SDK2: variants seen among roughly 807,000 people sequenced by gnomAD.
The protein encoded by SDK2 is sidekick cell adhesion molecule 2.
A neutral mutation model predicts 253.9 loss-of-function variants in SDK2; 105 were observed. That is an observed-to-expected ratio of 0.41 (90% CI 0.35 to 0.49). The LOEUF (loss-of-function observed/expected upper bound fraction) is 0.49. Ranked by LOEUF, SDK2 falls within the 20% of genes least tolerant of loss-of-function variation. The pLI is 0.06. For synonymous variants in SDK2, 1,249 were observed against 1,234.9 expected, an observed-to-expected ratio of 1.01 and a Z score of -0.24; for missense variants, 2,608 against 3,003.0, an observed-to-expected ratio of 0.87 and a Z score of 3.07.
At chr17:73,522,411 G>A (rs2064088010) in intron 1 of SDK2, among the ~76,000 whole-genome samples, 1 of 152,356 alleles carries the variant, frequency 6.6e-6, no homozygotes, top group African/African-American at 2.4e-5. Flanking sequence ...TCTGCTGAAG[G>A]GGGGCAGTTG....
intron 8 of SDK2, among the ~76,000 whole-genome samples, chr17:73,436,725 T>A (rs990870909): frequency 1.3e-5 from 2 of 152,072 alleles, no homozygotes; most frequent in Admixed American, 1.3e-4. Context: ...GATGCCACAT[T>A]TCATCCAATC....
At chr17:73,613,597 C>T (rs2046007214) in intron 1 of SDK2, among the ~76,000 whole-genome samples, 1 of 139,004 alleles carries the variant, frequency 7.2e-6, no homozygotes, top group Non-Finnish European at 1.6e-5. Context: ...CCACCCCCAC[C>T]CCCACCCCCA....
intron 1 of SDK2, among the ~76,000 whole-genome samples, chr17:73,509,902 C>CAAAAAAAAAAAAAAAAAAAAAAAAAG (rs71157018): frequency 3.9e-5 from 1 of 25,394 alleles, no homozygotes; most frequent in Non-Finnish European, 7.0e-5. Context: ...TCCATCTCTA[C>CAAAAAAAAAAAAAAAAAAAAAAAAAG]AAAAAAAAAA....
At position 73,447,555 on chromosome 17, in the gene SDK2, C is replaced by G; in HGVS notation, c.613+60G>C. 6.5e-7 allele frequency: 1 copy of G among 1,541,038 alleles called. No homozygotes were observed. Among genetic ancestry groups the G allele is most frequent in the South Asian group, 1.2e-5 (1 of 83,454 alleles). ...CCATCTTCCCAATGATCCCCTGGAG[C>G]ACCATTGCTAAGATTTAATGGCCCG... is the stretch of plus-strand genomic sequence containing the variant. On this transcript the variant is annotated intron_variant, in intron 5 of 44. Transcript: ENST00000392650. This position sits in a 1 kb window ranked among gnomAD's most constrained non-coding sequence, Gnocchi z 4.0.
Position 73,644,177 on chromosome 17 carries a change from G to A in SDK2, c.-89C>T. On this transcript the variant is annotated 5_prime_UTR_variant, in exon 1 of 45. Transcript: ENST00000392650. The surrounding 1 kb of genome is among the most constrained non-coding windows in gnomAD (Gnocchi z 6.3). ...GTGGGGTCCGATACCCCGTGGCTTA[G>A]TCCCAGGAAACAGTCAGTCTACGCG... The A allele has an allele frequency of 4.4e-6, 5 of 1,132,142 alleles. No individual in the cohort carries two copies. Among genetic ancestry groups the A allele is most frequent in the Non-Finnish European group, 6.5e-6 (5 of 771,012 alleles). The allele number at this position is 1,132,142 out of a possible 1,614,324, so 70.1% of individuals were successfully genotyped here.
chr17:73,394,209 CT>C lies in SDK2; in HGVS notation c.3707del (p.Lys1236ArgfsTer2). Reference sequence around the variant, plus strand: ...CACCTCCTGGGATCCCGGGACTCACCTTATAGCCCAGCACGAGCCCGTTGCG... The same window carrying C: ...CACCTCCTGGGATCCCGGGACTCACCTATAGCCCAGCACGAGCCCGTTGCG... Reference protein sequence around the residue: ...ADRNGLVLGYKVMYKEKDSDT... With the variant: ...ADRNGLVLGYXVMYKEKDSDT... On this transcript the variant is annotated frameshift_variant and splice_region_variant, in exon 26 of 45. Transcript: ENST00000392650. LOFTEE classifies it high-confidence loss of function. The C allele has an allele frequency of 1.3e-6, 2 of 1,553,586 alleles. No individual in the cohort carries two copies.
At chr17:73,390,841 C>T (rs2062922101) in intron 28 of SDK2, among the ~76,000 whole-genome samples, 1 of 152,196 alleles carries the variant, frequency 6.6e-6, no homozygotes, top group African/African-American at 2.4e-5. Flanking sequence ...TCCTTCCTGC[C>T]CCCACTCTGT....
intron 40 of SDK2, 114 bp downstream of exon 40, chr17:73,357,965 G>C (rs761757663): frequency 4.8e-5 from 72 of 1,507,378 alleles, no homozygotes; most frequent in Non-Finnish European, 6.4e-5. Context: ...TTCACCTGTA[G>C]TAGCACAAGC....
chr17:73,367,753 C>T (rs1599489882), intron 37 of SDK2, among the ~76,000 whole-genome samples: 1 of 152,194 alleles, frequency 6.6e-6, no homozygotes, highest in South Asian at 2.1e-4. Context: ...ATCCACCTGC[C>T]TTGGCTTCCC....
chr17:73,571,016 C>T (rs758354848), intron 1 of SDK2, among the ~76,000 whole-genome samples: 6 of 151,604 alleles, frequency 4.0e-5, no homozygotes, highest in Non-Finnish European at 7.4e-5. Flanking sequence ...CTCCAGAGAA[C>T]GAACTCTGGG....
intron 1 of SDK2, among the ~76,000 whole-genome samples, chr17:73,561,040 G>C (rs1247122930): frequency 1.3e-5 from 2 of 152,144 alleles, no homozygotes; most frequent in Non-Finnish European, 2.9e-5. Flanking sequence ...ACTACCCACA[G>C]GTACAGGAAA....
intron 1 of SDK2, among the ~76,000 whole-genome samples, chr17:73,624,423 T>C (rs2046175286): frequency 1.3e-5 from 2 of 152,010 alleles, no homozygotes; most frequent in Admixed American, 6.5e-5. Flanking sequence ...AATCCGGGAG[T>C]GGCAGATGGC....
At chr17:73,608,954 T>C (rs1189737737) in intron 1 of SDK2, among the ~76,000 whole-genome samples, 3 of 152,176 alleles carry the variant, frequency 2.0e-5, no homozygotes, top group Non-Finnish European at 4.4e-5. Flanking sequence ...GAACTCTACA[T>C]ATACGAATCA....
At chr17:73,351,477 G>A (rs923350176) in intron 41 of SDK2, among the ~76,000 whole-genome samples, 13 of 152,184 alleles carry the variant, frequency 8.5e-5, no homozygotes, top group Middle Eastern at 3.2e-3. Flanking sequence ...TCTGTGTGGG[G>A]AAAGGTGCTT....
In SDK2 at chr17:73,431,280, G is replaced by A. The variant is rs976161041; in HGVS notation, c.1480+222C>T. Among the ~76,000 whole-genome samples the A allele has an allele frequency of 5.3e-5, 8 of 152,064 alleles. No individual in the cohort carries two copies. Among genetic ancestry groups the A allele is most frequent in the African/African-American group, 1.4e-4 (6 of 41,390 alleles). ...TATAACTTCAATGTTCTCTCAAGTC[G>A]GCCAAGCATAGCATCACCGGCAGAA... is the stretch of plus-strand genomic sequence containing the variant. On this transcript the variant is annotated intron_variant, in intron 11 of 44. Coordinates refer to ENST00000392650, the MANE Select transcript of SDK2 (RefSeq NM_001144952.2). The surrounding 1 kb of genome is among the most constrained non-coding windows in gnomAD (Gnocchi z 5.6).
intron 1 of SDK2, among the ~76,000 whole-genome samples, chr17:73,604,187 A>G (rs1380325067): frequency 1.3e-5 from 2 of 152,224 alleles, no homozygotes; most frequent in Non-Finnish European, 2.9e-5. Flanking sequence ...ACGTGCTCAC[A>G]CACACTCTCT....
intron 1 of SDK2, among the ~76,000 whole-genome samples, chr17:73,580,656 C>T (rs1369889154): frequency 6.6e-6 from 1 of 152,236 alleles, no homozygotes; most frequent in South Asian, 2.1e-4. Flanking sequence ...TGAAGTGGAA[C>T]AATGGCACAT....
In SDK2 at chr17:73,412,845, G is replaced by A. The variant is rs1036431111; in HGVS notation, c.2484+1799C>T. Reference sequence around the variant, plus strand: ...AGGCAAGAGAATTGCTTGAACATGGGAGGTGGAGGTTGCAGTGAGCCAAGA... The same window carrying A: ...AGGCAAGAGAATTGCTTGAACATGGAAGGTGGAGGTTGCAGTGAGCCAAGA... On this transcript the variant is annotated intron_variant, in intron 18 of 44. Coordinates refer to ENST00000392650, the MANE Select transcript of SDK2 (RefSeq NM_001144952.2). 3.6e-4 allele frequency among the ~76,000 whole-genome samples: 55 copies of A among 152,264 alleles called. 1 individual carries two copies. The Middle Eastern group carries it at 0.014, about 38-fold the overall frequency.
chr17:73,338,718 T>G lies in SDK2; in HGVS notation c.6388A>C (p.Lys2130Gln), dbSNP rs778991229. The G allele has an allele frequency of 1.9e-6, 3 of 1,612,320 alleles. No individual in the cohort carries two copies. Among genetic ancestry groups the G allele is most frequent in the African/African-American group, 2.7e-5 (2 of 74,778 alleles). The change falls in exon 45 of 45, where the codon AAG becomes CAG. Residue 2130 changes from lysine to glutamine, a missense_variant. Physicochemically the swap from Lys to Gln is moderately conservative, Grantham distance 53. Coordinates refer to ENST00000392650, the MANE Select transcript of SDK2 (RefSeq NM_001144952.2). The surrounding 1 kb of genome is among the most constrained non-coding windows in gnomAD (Gnocchi z 5.0). ...STQQGSLFRP[K>Q]ASRTPTPQNP... ...TGGGGCGTTGGAGTCCGACTGGCCTTGGGCCGAAAGAGGCTGCCCTGCTGG... is the reference window on the plus strand; with the variant it reads ...TGGGGCGTTGGAGTCCGACTGGCCTGGGGCCGAAAGAGGCTGCCCTGCTGG...
Sources: allele counts gnomAD v4.1 joint callset (sites outside exome capture counted in the v4.1 genomes callset), GRCh38; gene constraint gnomAD v4.1.1; non-coding constraint Gnocchi (gnomAD v3.1); transcripts MANE v1.5; gene names NCBI Gene and HGNC (gene_info 2026-07-23, HGNC 2026-07-21).